Variants in CRMP1 observed in about 807,000 individuals in gnomAD.
CRMP1 encodes the protein dihydropyrimidinase-related protein 1.
Under a neutral mutation model 68.3 loss-of-function variants are expected in CRMP1, and 19 were observed. The ratio of observed to expected loss-of-function variants is 0.28; its 90% CI spans 0.19 to 0.41. CRMP1 has a LOEUF of 0.41. CRMP1 is among the 10% of genes least tolerant of loss of function. The probability of loss-of-function intolerance (pLI) is 1.00; values close to 1 mark genes in which losing one functional copy is unlikely to be tolerated. For missense variants in CRMP1, 791 were observed against 967.4 expected (o/e 0.82, Z 2.42); for synonymous variants, 439 against 399.6 (o/e 1.10, Z -1.18).
intron 1 of CRMP1, among the ~76,000 whole-genome samples, chr4:5,875,446 C>T (rs1714743534): frequency 6.6e-6 from 1 of 151,216 alleles, no homozygotes; most frequent in African/African-American, 2.4e-5. Context: ...ATCCAATCAA[C>T]CTCTATCCAA....
rs1182183125 is a variant in CRMP1, at chr4:5,861,653, C to T, written c.471-443G>A. ...GGAAAAGAGCCTACGAAATGAGAAA[C>T]GAAGCCCCCGGGGATCTCCATGGGT... On this transcript the variant is annotated intron_variant, in intron 2 of 13. Coordinates refer to ENST00000324989, the MANE Select transcript of CRMP1 (RefSeq NM_001014809.3). This position sits in a 1 kb window ranked among gnomAD's most constrained non-coding sequence, Gnocchi z 6.0. 5.9e-5 allele frequency among the ~76,000 whole-genome samples: 9 copies of T among 152,068 alleles called. No homozygotes were observed. Among genetic ancestry groups the T allele is most frequent in the Admixed American group, 1.3e-4 (2 of 15,272 alleles).
At chr4:5,868,530 C>T (rs370946724) in intron 1 of CRMP1, among the ~76,000 whole-genome samples, 2 of 151,650 alleles carry the variant, frequency 1.3e-5, no homozygotes, top group Admixed American at 6.6e-5. Flanking sequence ...CTCAATCTCC[C>T]GACCTCATGA....
intron 1 of CRMP1, among the ~76,000 whole-genome samples, chr4:5,875,480 G>A (rs1714746453): frequency 6.6e-6 from 1 of 151,912 alleles, no homozygotes; most frequent in Admixed American, 6.6e-5. Context: ...AGCAACCTTG[G>A]CTATCTGAAA....
chr4:5,888,530 G>A lies in CRMP1; in HGVS notation c.381+4059C>T, dbSNP rs1420123126. 5.1e-6 allele frequency: 6 copies of A among 1,175,766 alleles called. No individual in the cohort carries two copies. The highest frequency in any genetic ancestry group is 3.4e-4 in the Middle Eastern group (1 of 2,948). 72.8% of individuals were successfully genotyped at this position (1,175,766 alleles called of 1,614,324 possible). On this transcript the variant is annotated intron_variant, in intron 1 of 13. Transcript: ENST00000324989. This position sits in a 1 kb window ranked among gnomAD's most constrained non-coding sequence, Gnocchi z 6.4. ...GGGAGAGGCGAGGGCGGGAGGAGGG[G>A]GCTGCAGACAGCTCCTCCCGGCGGC...
intron 1 of CRMP1, among the ~76,000 whole-genome samples, chr4:5,880,798 G>C (rs1715174516): frequency 6.6e-6 from 1 of 152,194 alleles, no homozygotes; most frequent in South Asian, 2.1e-4. Context: ...ACAGTGCCTT[G>C]TTAAGGAAGA....
In CRMP1 at chr4:5,877,487, G is replaced by C. The variant is rs1388373411; in HGVS notation, c.382-10731C>G. On this transcript the variant is annotated intron_variant, in intron 1 of 13. Coordinates refer to ENST00000324989, the MANE Select transcript of CRMP1 (RefSeq NM_001014809.3). This position sits in a 1 kb window ranked among gnomAD's most constrained non-coding sequence, Gnocchi z 4.3. ...ACGGCAAGTGCTGCCATCCCATCCA[G>C]CTGCACACTCATATTTATTCACAGA... Among the ~76,000 whole-genome samples the C allele has an allele frequency of 6.6e-6, 1 of 152,142 alleles. No homozygotes were observed. The highest frequency in any genetic ancestry group is 2.4e-5 in the African/African-American group (1 of 41,428).
Position 5,843,340 on chromosome 4 carries a change from C to T in CRMP1, c.964-179G>A, listed in dbSNP as rs923884434. Reference sequence around the variant, plus strand: ...AACTGTGTCCCCTCCACTACACACCCATCCACCTTCCCCTTTGTAGCCCTG... The same window carrying T: ...AACTGTGTCCCCTCCACTACACACCTATCCACCTTCCCCTTTGTAGCCCTG... On this transcript the variant is annotated intron_variant, in intron 6 of 13. Transcript: ENST00000324989. The surrounding 1 kb of genome is among the most constrained non-coding windows in gnomAD (Gnocchi z 4.1). 1.3e-5 allele frequency among the ~76,000 whole-genome samples: 2 copies of T among 152,156 alleles called. No homozygotes were observed. Among genetic ancestry groups the T allele is most frequent in the Admixed American group, 6.5e-5 (1 of 15,282 alleles).
intron 3 of CRMP1, among the ~76,000 whole-genome samples, chr4:5,857,481 A>C (rs920427718): frequency 1.3e-5 from 2 of 151,834 alleles, no homozygotes; most frequent in Non-Finnish European, 2.9e-5. Flanking sequence ...TTCAGTCTTC[A>C]TTACCACCAT....
rs1437642176 is a variant in CRMP1 at position 5,841,483 on chromosome 4, C to A, written c.1033-55G>T. Reference sequence around the variant, plus strand: ...GGGAAGGCTGGTGTAACAGCTACCACCCATCTCCATTTTCCTTAATTGAAT... The same window carrying A: ...GGGAAGGCTGGTGTAACAGCTACCAACCATCTCCATTTTCCTTAATTGAAT... On this transcript the variant is annotated intron_variant, in intron 7 of 13. Transcript: ENST00000324989. The surrounding 1 kb of genome is among the most constrained non-coding windows in gnomAD (Gnocchi z 6.9). 1.2e-6 allele frequency: 2 copies of A among 1,603,796 alleles called. No individual in the cohort carries two copies. Among genetic ancestry groups the A allele is most frequent in the Non-Finnish European group, 1.7e-6 (2 of 1,173,058 alleles).
rs897538718 is a variant in CRMP1 at position 5,877,058 on chromosome 4, A to G, written c.382-10302T>C. ...AGTCTGAGCACAAGCTTTAAGGGGC[A>G]GATGGGTTCAGCTTTCCCTGACAGT... On this transcript the variant is annotated intron_variant, in intron 1 of 13. Coordinates refer to ENST00000324989, the MANE Select transcript of CRMP1 (RefSeq NM_001014809.3). The surrounding 1 kb of genome is among the most constrained non-coding windows in gnomAD (Gnocchi z 4.3). Among the ~76,000 whole-genome samples, 3 of 152,214 alleles carry G rather than the reference A, an allele frequency of 2.0e-5. No individual in the cohort carries two copies. The highest frequency in any genetic ancestry group is 2.0e-4 in the Admixed American group (3 of 15,282).
chr4:5,891,204 A>ACACACACACC lies in CRMP1; in HGVS notation c.381+1375_381+1384dup, dbSNP rs1465244688. On this transcript the variant is annotated intron_variant, in intron 1 of 13. Coordinates refer to ENST00000324989, the MANE Select transcript of CRMP1 (RefSeq NM_001014809.3). This position sits in a 1 kb window ranked among gnomAD's most constrained non-coding sequence, Gnocchi z 5.2. ...CACACACACACACACACACACACAC[A>ACACACACACC]CACACACACCCTTGCTGTTGGACCT... 4.4e-4 allele frequency among the ~76,000 whole-genome samples: 66 copies of ACACACACACC among 151,372 alleles called. No individual in the cohort carries two copies. The highest frequency in any genetic ancestry group is 1.6e-3 in the African/African-American group (64 of 41,196).
intron 13 of CRMP1, among the ~76,000 whole-genome samples, chr4:5,822,983 C>T (rs1718915372): frequency 1.3e-5 from 2 of 152,182 alleles, no homozygotes; most frequent in Admixed American, 6.5e-5. Flanking sequence ...ACCCACTGTA[C>T]CCTTTCATAC....
intron 1 of CRMP1, among the ~76,000 whole-genome samples, chr4:5,874,081 G>T (rs1714643475): frequency 3.3e-5 from 5 of 152,184 alleles, no homozygotes; most frequent in Admixed American, 3.3e-4. Flanking sequence ...TTTGCAACAG[G>T]TATCAAAGGC....
rs918803620 is a variant in CRMP1 at position 5,857,310 on chromosome 4, CCAT to C, written c.656-1006_656-1004del. 1.1e-4 allele frequency among the ~76,000 whole-genome samples: 16 copies of C among 151,978 alleles called. No homozygotes were observed. In the East Asian group the frequency reaches 1.4e-3, roughly 13 times the overall value. On this transcript the variant is annotated intron_variant, in intron 3 of 13. Transcript: ENST00000324989. ...CATCTTCATCACCACCATCCTATCA[CCAT>C]CATCATCATCCCTATTATCACCCCA...
In CRMP1 at chr4:5,821,981, C is replaced by T; in HGVS notation, c.1970-130G>A. The stretch of plus-strand genomic sequence containing the variant: ...CATTCAGGGCTCAGTCCAGGACCAG[C>T]CATGGGAAGCCTCCCTGGCCTCCAC... On this transcript the variant is annotated intron_variant, in intron 13 of 13. Coordinates refer to ENST00000324989, the MANE Select transcript of CRMP1 (RefSeq NM_001014809.3). The surrounding 1 kb of genome is among the most constrained non-coding windows in gnomAD (Gnocchi z 4.4). The T allele has an allele frequency of 3.2e-6, 2 of 627,938 alleles. No individual in the cohort carries two copies. Among genetic ancestry groups the T allele is most frequent in the Non-Finnish European group, 4.8e-6 (2 of 412,898 alleles). 38.9% of individuals were successfully genotyped at this position (627,938 alleles called of 1,614,324 possible). A position where few individuals can be genotyped will look rare whatever the true frequency, so the allele number is the denominator to read the frequency against.
rs921738862 is a variant in CRMP1 at position 5,843,909 on chromosome 4, C to G, written c.964-748G>C. 6.6e-6 allele frequency among the ~76,000 whole-genome samples: 1 copy of G among 152,030 alleles called. No homozygotes were observed. The highest frequency in any genetic ancestry group is 2.4e-5 in the African/African-American group (1 of 41,376). On this transcript the variant is annotated intron_variant, in intron 6 of 13. Coordinates refer to ENST00000324989, the MANE Select transcript of CRMP1 (RefSeq NM_001014809.3). The surrounding 1 kb of genome is among the most constrained non-coding windows in gnomAD (Gnocchi z 4.1). Reference sequence around the variant, plus strand: ...GTTCCCTGGGCTGATGGCCTAGATTCAAATCCATCTGGTCCAAAGTTTCTT... The same window carrying G: ...GTTCCCTGGGCTGATGGCCTAGATTGAAATCCATCTGGTCCAAAGTTTCTT...
At position 5,836,818 on chromosome 4, in the gene CRMP1, C is replaced by CGGGGATCA. The variant is rs1560491682; in HGVS notation, c.1391_1398dup (p.Glu467Ter). 1 of 1,614,042 alleles carries CGGGGATCA rather than the reference C, an allele frequency of 6.2e-7. No homozygotes were observed. Among genetic ancestry groups the CGGGGATCA allele is most frequent in the Non-Finnish European group, 8.5e-7 (1 of 1,179,912 alleles). Reference sequence around the variant, plus strand: ...CGCTCCTCTATCCCGTTGACACCCTCGGGGATCAGGGTAAAGTTGTCCTTG... The same window carrying CGGGGATCA: ...CGCTCCTCTATCCCGTTGACACCCTCGGGGATCAGGGGATCAGGGTAAAGTTGTCCTTG... On this transcript the variant is annotated stop_gained and frameshift_variant, in exon 10 of 14. Coordinates refer to ENST00000324989, the MANE Select transcript of CRMP1 (RefSeq NM_001014809.3). LOFTEE classifies it high-confidence loss of function.
intron 11 of CRMP1, among the ~76,000 whole-genome samples, chr4:5,830,869 A>T (rs1577746398): frequency 6.6e-6 from 1 of 152,362 alleles, no homozygotes; most frequent in East Asian, 1.9e-4. Context: ...TTTATAGATT[A>T]GATTAGAAAG....
chr4:5,836,670 G>A (rs1241235354), intron 10 of CRMP1, 95 bp downstream of exon 10: 4 of 1,580,340 alleles, frequency 2.5e-6, no homozygotes, highest in Middle Eastern at 3.3e-4. Flanking sequence ...CATGTAAGAA[G>A]GGAACTTTTA....
Sources: gnomAD v4.1 joint callset for allele counts (sites outside exome capture counted in the v4.1 genomes callset) on GRCh38, gnomAD v4.1.1 for gene constraint, Gnocchi (gnomAD v3.1) non-coding constraint, MANE v1.5 for transcripts, NCBI Gene and HGNC (gene_info 2026-07-23, HGNC 2026-07-21) for gene names.